The following ASNS variants were observed in gnomAD, a reference collection of about 807,000 sequenced individuals.
ASNS encodes the protein asparagine synthetase [glutamine-hydrolyzing].
A neutral mutation model predicts 62.6 loss-of-function variants in ASNS; 37 were observed. The ratio of observed to expected loss-of-function variants is 0.59; its 90% CI spans 0.45 to 0.78. The LOEUF (loss-of-function observed/expected upper bound fraction) is 0.78, where lower values mean the gene tolerates loss of function less well. ASNS is among the 30% of genes least tolerant of loss of function. ASNS has a pLI of 0.00. For missense variants in ASNS, 520 were observed against 682.4 expected (o/e 0.76, Z 2.65); for synonymous variants, 207 against 237.9 (o/e 0.87, Z 1.19).
At chr7:97,874,824 G>T (rs1337395114), upstream of ASNS, among the ~76,000 whole-genome samples, 2 of 152,260 alleles carry the variant, frequency 1.3e-5, no homozygotes, top group Non-Finnish European at 2.9e-5. Flanking sequence ...TTAAGCATGT[G>T]ATAAATGTTA....
At chr7:97,882,953 G>A in the ASNS span, among the ~76,000 whole-genome samples, 6 of 152,178 alleles carry the variant, frequency 3.9e-5, no homozygotes, top group Non-Finnish European at 8.8e-5. Context: ...CTTTTCCTTC[G>A]CTGCACAAAG....
Position 97,852,259 on chromosome 7 carries a change from C to T in ASNS, c.1686G>A (p.Ter562=), listed in dbSNP as rs775200046. ...LTHYKSAVKA[*] ...TTTCACATTACAGCATAAAGACCAC[C>T]TAAGCTTTGACAGCTGACTTGTAGT... Residue 562 remains the stop codon, a stop_retained_variant, in exon 13 of 13, where the codon TAG becomes TAA. Coordinates refer to ENST00000394308, the MANE Select transcript of ASNS (RefSeq NM_001673.5). 10 of 1,613,982 alleles carry T rather than the reference C, an allele frequency of 6.2e-6. No homozygotes were observed. The highest frequency in any genetic ancestry group is 8.5e-6 in the Non-Finnish European group (10 of 1,180,018).
the ASNS span, among the ~76,000 whole-genome samples, chr7:97,913,278 C>T: frequency 2.6e-5 from 4 of 152,284 alleles, no homozygotes; most frequent in Admixed American, 6.5e-5. Flanking sequence ...CTTGCTAACT[C>T]GGTCACCTCC....
At chr7:97,875,600 T>C (rs1249752003), upstream of ASNS, among the ~76,000 whole-genome samples, 13 of 152,216 alleles carry the variant, frequency 8.5e-5, no homozygotes, top group African/African-American at 3.1e-4. Context: ...TGGTGGATCA[T>C]AGAGCCTCTT....
the ASNS span, chr7:97,906,602 G>T: frequency 6.2e-6 from 1 of 160,288 alleles, no homozygotes; most frequent in Non-Finnish European, 1.4e-5. Flanking sequence ...AACCCTCTTT[G>T]CAGTTTTCTG....
chr7:97,884,517 C>T, the ASNS span, among the ~76,000 whole-genome samples: 5 of 152,130 alleles, frequency 3.3e-5, no homozygotes, highest in Non-Finnish European at 1.5e-5. Context: ...CCACTCCACC[C>T]AAGCCTGGGC....
At chr7:97,900,736 A>G in the ASNS span, among the ~76,000 whole-genome samples, 3 of 152,126 alleles carry the variant, frequency 2.0e-5, no homozygotes, top group Non-Finnish European at 2.9e-5. Context: ...CTCTGCTCCA[A>G]TCGTGGAGGA....
chr7:97,867,151 T>C (rs1792018474), intron 3 of ASNS, among the ~76,000 whole-genome samples: 1 of 28 alleles, frequency 0.036, no homozygotes, highest in Non-Finnish European at 0.071. Context: ...TTGACTTGGC[T>C]GCAGGCCCTG....
chr7:97,898,060 T>C, the ASNS span, among the ~76,000 whole-genome samples: 1 of 152,074 alleles, frequency 6.6e-6, no homozygotes, highest in South Asian at 2.1e-4. Context: ...TCAGAGTAGC[T>C]GAGACTACAG....
chr7:97,856,012 T>C (rs1161108106), intron 8 of ASNS, among the ~76,000 whole-genome samples: 9 of 152,190 alleles, frequency 5.9e-5, no homozygotes, highest in Non-Finnish European at 1.2e-4. Context: ...AGAGCCTTTT[T>C]AGACACTTAT....
At chr7:97,863,750 G>GT (rs77817234) in intron 4 of ASNS, 48,363 of 152,210 alleles carry the variant, frequency 0.32, 7,805 homozygotes, top group East Asian at 0.45. Flanking sequence ...ATTTGATTTG[G>GT]TTTTTTTTGA....
chr7:97,878,214 C>A, the ASNS span, among the ~76,000 whole-genome samples: 20 of 152,276 alleles, frequency 1.3e-4, no homozygotes, highest in East Asian at 2.9e-3. Flanking sequence ...ATGGGGAAAC[C>A]CCGTCTTTAC....
intron 7 of ASNS, among the ~76,000 whole-genome samples, chr7:97,857,544 G>C (rs1456516669): frequency 6.8e-6 from 1 of 146,422 alleles, no homozygotes; most frequent in African/African-American, 2.5e-5. Context: ...TAAATGAGTA[G>C]AGCCAGGATT....
intron 4 of ASNS, among the ~76,000 whole-genome samples, chr7:97,862,443 T>TG (rs1409927737): frequency 6.6e-6 from 1 of 152,056 alleles, no homozygotes; most frequent in Non-Finnish European, 1.5e-5. Flanking sequence ...CAGTAATGAC[T>TG]GGGGGGTTAG....
the ASNS span, among the ~76,000 whole-genome samples, chr7:97,921,836 G>T: frequency 0.04 from 6,160 of 152,202 alleles, 291 homozygotes; most frequent in African/African-American, 0.11. Context: ...GGTGGGTGCC[G>T]GAGCATCTAG....
At position 97,871,328 on chromosome 7, in the gene ASNS, G is replaced by C. The variant is rs145982681; in HGVS notation, c.-60+1023C>G. 4.6e-3 allele frequency among the ~76,000 whole-genome samples: 695 copies of C among 152,260 alleles called. 6 individuals are homozygous for C. Among genetic ancestry groups the C allele is most frequent in the African/African-American group, 0.016 (661 of 41,546 alleles). On this transcript the variant is annotated intron_variant, in intron 1 of 12. Coordinates refer to ENST00000394308, the MANE Select transcript of ASNS (RefSeq NM_001673.5). The stretch of plus-strand genomic sequence containing the variant: ...CAGGTGGCTAGCGCCTACCGAACTG[G>C]ACATGGCAGTTTCAGTGCATTTAAT...
chr7:97,890,466 G>A, the ASNS span, among the ~76,000 whole-genome samples: 1 of 152,158 alleles, frequency 6.6e-6, no homozygotes, highest in Non-Finnish European at 1.5e-5. Context: ...ATCTCCATCA[G>A]GCTAACAGGG....
chr7:97,919,336 G>A, the ASNS span, among the ~76,000 whole-genome samples: 1 of 152,114 alleles, frequency 6.6e-6, no homozygotes. Flanking sequence ...AGCTGGTCTC[G>A]AACTCCTGGC....
chr7:97,921,981 G>C, the ASNS span, among the ~76,000 whole-genome samples: 180 of 152,288 alleles, frequency 1.2e-3, no homozygotes, highest in African/African-American at 4.1e-3. Context: ...GAGACAACAT[G>C]GATGAGCCTG....
Sources: allele counts gnomAD v4.1 joint callset (sites outside exome capture counted in the v4.1 genomes callset), GRCh38; gene constraint gnomAD v4.1.1; transcripts MANE v1.5; gene names NCBI Gene and HGNC (gene_info 2026-07-23, HGNC 2026-07-21).